PCSK5: variants seen among roughly 807,000 people sequenced by gnomAD.
PCSK5 encodes the protein prohormone convertase 5.
A neutral mutation model predicts 233.2 loss-of-function variants in PCSK5; 129 were observed. That is an observed-to-expected ratio of 0.55 (90% CI 0.48 to 0.64). The LOEUF is 0.64. Among genes scored for constraint, PCSK5 ranks in the 30% least tolerant of loss-of-function variants. PCSK5 has a pLI of 0.00. For synonymous variants in PCSK5, 825 were observed against 879.2 expected, an observed-to-expected ratio of 0.94 and a Z score of 1.09; for missense variants, 2,076 against 2,430.1, an observed-to-expected ratio of 0.85 and a Z score of 3.06.
intron 20 of PCSK5, among the ~76,000 whole-genome samples, chr9:76,202,159 C>T (rs1824939710): frequency 6.6e-6 from 1 of 152,132 alleles, no homozygotes; most frequent in Admixed American, 6.5e-5. Context: ...TTGAACATCT[C>T]CTTCGTCACT....
intron 1 of PCSK5, among the ~76,000 whole-genome samples, chr9:75,896,241 G>A (rs1825797940): frequency 6.6e-6 from 1 of 152,182 alleles, no homozygotes; most frequent in Non-Finnish European, 1.5e-5. Flanking sequence ...TGGCGTGTCT[G>A]CTGCATTAAC....
chr9:76,166,086 A>G (rs1235664890), intron 12 of PCSK5, among the ~76,000 whole-genome samples: 1 of 152,258 alleles, frequency 6.6e-6, no homozygotes, highest in Non-Finnish European at 1.5e-5. Context: ...ATGTGTACTT[A>G]TAAAGGACGG....
intron 9 of PCSK5, among the ~76,000 whole-genome samples, chr9:76,120,933 G>A (rs895179183): frequency 1.3e-5 from 2 of 152,002 alleles, no homozygotes; most frequent in Non-Finnish European, 2.9e-5. Flanking sequence ...TCAGTAACTC[G>A]GAATCCCAGG....
At chr9:76,234,401 C>T (rs1293426794) in intron 22 of PCSK5, among the ~76,000 whole-genome samples, 1 of 152,182 alleles carries the variant, frequency 6.6e-6, no homozygotes, top group African/African-American at 2.4e-5. Context: ...AGTTGTCTCA[C>T]TGATCCTGAG....
chr9:76,261,769 T>C (rs1254966067), intron 24 of PCSK5, among the ~76,000 whole-genome samples: 2 of 152,220 alleles, frequency 1.3e-5, no homozygotes, highest in African/African-American at 4.8e-5. Flanking sequence ...TTTGAAGCAA[T>C]TGTGAATGGG....
At chr9:76,205,370 G>A (rs538742228) in intron 20 of PCSK5, among the ~76,000 whole-genome samples, 1 of 152,290 alleles carries the variant, frequency 6.6e-6, no homozygotes, top group African/African-American at 2.4e-5. Context: ...GCCCTCGTAT[G>A]GGGCTGGGGC....
At chr9:75,927,887 T>C (rs577624685) in intron 1 of PCSK5, among the ~76,000 whole-genome samples, 2 of 152,330 alleles carry the variant, frequency 1.3e-5, no homozygotes, top group African/African-American at 2.4e-5. Flanking sequence ...AATGCAGTTT[T>C]CCCTGAAAGA....
intron 24 of PCSK5, among the ~76,000 whole-genome samples, chr9:76,270,017 T>TA (rs1032795171): frequency 3.3e-5 from 5 of 151,906 alleles, no homozygotes; most frequent in Non-Finnish European, 5.9e-5. Flanking sequence ...AATATTTTTT[T>TA]AAAAATATGA....
At chr9:76,296,618 C>CA in intron 26 of PCSK5, 47 bp from the exon 27 acceptor site, 2 of 1,336,070 alleles carry the variant, frequency 1.5e-6, no homozygotes, top group South Asian at 2.4e-5. Context: ...CTTGGCCTTG[C>CA]AAAGATCACT....
At chr9:76,313,412 T>C (rs1828924335) in intron 30 of PCSK5, among the ~76,000 whole-genome samples, 1 of 152,204 alleles carries the variant, frequency 6.6e-6, no homozygotes, top group African/African-American at 2.4e-5. Context: ...AGAAACCCTA[T>C]ACCCTTTTAG....
At chr9:76,216,074 T>G (rs1825517839) in intron 20 of PCSK5, among the ~76,000 whole-genome samples, 1 of 152,188 alleles carries the variant, frequency 6.6e-6, no homozygotes, top group African/African-American at 2.4e-5. Context: ...TTTCTAGAGC[T>G]ACAATGTTTC....
chr9:76,327,797 A>T (rs1249740597), intron 32 of PCSK5, among the ~76,000 whole-genome samples: 1 of 152,202 alleles, frequency 6.6e-6, no homozygotes, highest in Non-Finnish European at 1.5e-5. Flanking sequence ...AGAAAATAAA[A>T]TAATAATTTT....
chr9:76,184,928 G>GA, intron 17 of PCSK5, among the ~76,000 whole-genome samples, 171 bp downstream of exon 17: 1 of 152,102 alleles, frequency 6.6e-6, no homozygotes, highest in East Asian at 1.9e-4. Context: ...TATTATATGT[G>GA]AAAAATGGGA....
At chr9:76,206,947 C>G (rs1335955682) in intron 20 of PCSK5, among the ~76,000 whole-genome samples, 2 of 152,112 alleles carry the variant, frequency 1.3e-5, no homozygotes, top group Admixed American at 6.6e-5. Flanking sequence ...ACCAGAGGGT[C>G]CAGGGGAGAA....
chr9:76,032,515 C>T (rs1174378622), intron 5 of PCSK5, among the ~76,000 whole-genome samples: 1 of 152,100 alleles, frequency 6.6e-6, no homozygotes, highest in African/African-American at 2.4e-5. Context: ...CTCTGAAGTA[C>T]AAAAGTTATA....
chr9:75,920,612 C>T lies in PCSK5; in HGVS notation c.193-11767C>T, dbSNP rs192640749. Among the ~76,000 whole-genome samples the T allele has an allele frequency of 4.9e-4, 75 of 152,136 alleles. 1 individual carries two copies. The East Asian group carries it at 0.015, about 29-fold the overall frequency. On this transcript the variant is annotated intron_variant, in intron 1 of 37. Coordinates refer to ENST00000674117, the MANE Select transcript of PCSK5 (RefSeq NM_001372043.1). The stretch of plus-strand genomic sequence containing the variant: ...CTGAGCTCAGGAGTTCGAGACCAGC[C>T]TGGGCAACATGACAAAACCCTGTCT...
chr9:76,205,601 G>C (rs762695910), intron 20 of PCSK5, among the ~76,000 whole-genome samples: 32 of 152,052 alleles, frequency 2.1e-4, no homozygotes, highest in Admixed American at 3.9e-4. Flanking sequence ...AGGAATGTAG[G>C]GACCATGTCT....
intron 24 of PCSK5, among the ~76,000 whole-genome samples, chr9:76,247,660 T>G (rs940719149): frequency 5.3e-5 from 8 of 152,134 alleles, no homozygotes; most frequent in Non-Finnish European, 1.5e-5. Flanking sequence ...AATGTATGAG[T>G]GTATTTACAT....
chr9:76,241,455 T>C (rs190250994), intron 24 of PCSK5, among the ~76,000 whole-genome samples: 2 of 152,130 alleles, frequency 1.3e-5, no homozygotes, highest in East Asian at 3.9e-4. Context: ...ACAATAAAAA[T>C]GAAAATAAAA....
Sources: allele counts gnomAD v4.1 joint callset (sites outside exome capture counted in the v4.1 genomes callset), GRCh38; gene constraint gnomAD v4.1.1; transcripts MANE v1.5; gene names NCBI Gene and HGNC (gene_info 2026-07-23, HGNC 2026-07-21).